STK32B: variants seen among roughly 807,000 people sequenced by gnomAD.
STK32B encodes serine/threonine kinase 32B, also known as serine/threonine-protein kinase 32B.
A neutral mutation model predicts 52.6 loss-of-function variants in STK32B; 43 were observed. That is an observed-to-expected ratio of 0.82 (90% CI 0.64 to 1.05). STK32B has a LOEUF of 1.05. STK32B is among the 50% of genes least tolerant of loss of function. The pLI is 0.00. For missense variants in STK32B, 621 were observed against 534.6 expected (o/e 1.16, Z -1.59); for synonymous variants, 238 against 204.3 (o/e 1.17, Z -1.41).
chr4:5,131,508 A>G (rs1715772965), intron 1 of STK32B, among the ~76,000 whole-genome samples: 1 of 152,162 alleles, frequency 6.6e-6, no homozygotes, highest in Non-Finnish European at 1.5e-5. Flanking sequence ...AAAACTTCCT[A>G]GAGCCCTTAC....
At chr4:5,115,901 TC>T (rs1398858695) in intron 1 of STK32B, among the ~76,000 whole-genome samples, 1 of 152,172 alleles carries the variant, frequency 6.6e-6, no homozygotes, top group Non-Finnish European at 1.5e-5. Flanking sequence ...AATTAACCTT[TC>T]CGAGCTTCAG....
intron 1 of STK32B, among the ~76,000 whole-genome samples, chr4:5,069,532 T>A (rs1711623722): frequency 6.6e-6 from 1 of 152,152 alleles, no homozygotes; most frequent in East Asian, 1.9e-4. Flanking sequence ...GAGCACAGAC[T>A]CTGAAGCTGC....
In STK32B at chr4:5,205,696, G is replaced by A. The variant is rs548116919; in HGVS notation, c.260+37246G>A. Reference sequence around the variant, plus strand: ...AGAGGTTGACAGTTCTAGACCAGGCGCGCGCGCGTGTGTGTGTGTGTGTGT... The same window carrying A: ...AGAGGTTGACAGTTCTAGACCAGGCACGCGCGCGTGTGTGTGTGTGTGTGT... On this transcript the variant is annotated intron_variant, in intron 3 of 11. Coordinates refer to ENST00000282908, the MANE Select transcript of STK32B (RefSeq NM_018401.3). 6.8e-4 allele frequency among the ~76,000 whole-genome samples: 44 copies of A among 64,588 alleles called. 1 individual carries two copies. The South Asian group carries it at 0.026, about 38-fold the overall frequency. 42.4% of individuals were successfully genotyped at this position (64,588 alleles called of 152,430 possible).
intron 11 of STK32B, among the ~76,000 whole-genome samples, chr4:5,484,046 G>A (rs1718944831): frequency 6.6e-6 from 1 of 152,176 alleles, no homozygotes; most frequent in South Asian, 2.1e-4. Context: ...GTGTGATGTG[G>A]AAAAGAATGT....
intron 3 of STK32B, among the ~76,000 whole-genome samples, chr4:5,305,615 G>C (rs994736649): frequency 6.6e-6 from 1 of 151,928 alleles, no homozygotes; most frequent in African/African-American, 2.4e-5. Flanking sequence ...CCATACTAAT[G>C]GTCTATCAAT....
At chr4:5,403,132 G>C (rs904018298) in intron 5 of STK32B, among the ~76,000 whole-genome samples, 1 of 152,130 alleles carries the variant, frequency 6.6e-6, no homozygotes, top group Non-Finnish European at 1.5e-5. Flanking sequence ...GCCCTGCCCA[G>C]GGCTGGCCAA....
intron 3 of STK32B, among the ~76,000 whole-genome samples, chr4:5,173,710 T>A (rs1226778061): frequency 6.6e-5 from 10 of 151,936 alleles, no homozygotes; most frequent in South Asian, 2.1e-4. Context: ...TGCTGAGGAG[T>A]GCTTTACTTC....
intron 2 of STK32B, among the ~76,000 whole-genome samples, chr4:5,140,616 A>G (rs1438262216): frequency 1.3e-5 from 2 of 152,204 alleles, no homozygotes; most frequent in Non-Finnish European, 2.9e-5. Context: ...ATAGGCGGGA[A>G]GTGTCAAAAC....
chr4:5,050,731 C>T (rs370988789), upstream of STK32B, among the ~76,000 whole-genome samples: 8 of 152,304 alleles, frequency 5.3e-5, no homozygotes, highest in African/African-American at 1.7e-4. Context: ...CCGCGCTCGC[C>T]CCACACGTCT....
chr4:5,146,768 C>T (rs1716947424), intron 2 of STK32B, among the ~76,000 whole-genome samples: 1 of 152,162 alleles, frequency 6.6e-6, no homozygotes. Context: ...CGGTTTTGTA[C>T]ATTTGACCTA....
intron 3 of STK32B, among the ~76,000 whole-genome samples, chr4:5,303,147 T>C (rs895560734): frequency 6.6e-6 from 1 of 152,068 alleles, no homozygotes; most frequent in Non-Finnish European, 1.5e-5. Flanking sequence ...AACATGTGTG[T>C]GCAGGTATCT....
chr4:5,478,661 T>C (rs1044598666), intron 11 of STK32B, among the ~76,000 whole-genome samples: 2 of 152,220 alleles, frequency 1.3e-5, no homozygotes, highest in African/African-American at 4.8e-5. Context: ...GATAATTTAC[T>C]TACAAAGAAT....
chr4:5,491,894 T>G (rs1028902717), intron 11 of STK32B, among the ~76,000 whole-genome samples: 1 of 152,226 alleles, frequency 6.6e-6, no homozygotes, highest in Non-Finnish European at 1.5e-5. Context: ...GTTGTAGATA[T>G]GCGGAGTTAT....
chr4:5,346,367 A>G (rs1733458359), intron 4 of STK32B, among the ~76,000 whole-genome samples: 1 of 152,180 alleles, frequency 6.6e-6, no homozygotes, highest in African/African-American at 2.4e-5. Flanking sequence ...TTAGTGGCTT[A>G]AATTGGGCCT....
At chr4:5,071,146 G>C (rs1445142543) in intron 1 of STK32B, among the ~76,000 whole-genome samples, 2 of 152,112 alleles carry the variant, frequency 1.3e-5, no homozygotes, top group African/African-American at 4.8e-5. Flanking sequence ...GTTTTAATAT[G>C]GGGAGTGATG....
intron 4 of STK32B, among the ~76,000 whole-genome samples, chr4:5,341,493 A>C (rs566193044): frequency 6.6e-6 from 1 of 152,304 alleles, no homozygotes; most frequent in South Asian, 2.1e-4. Context: ...TCCTCATCAC[A>C]TACTTTCCCA....
At chr4:5,118,012 T>C (rs1714829327) in intron 1 of STK32B, among the ~76,000 whole-genome samples, 2 of 152,182 alleles carry the variant, frequency 1.3e-5, no homozygotes, top group African/African-American at 4.8e-5. Flanking sequence ...GGCCTGTAAG[T>C]TTATTTTCTT....
At chr4:5,281,294 T>A (rs976994255) in intron 3 of STK32B, among the ~76,000 whole-genome samples, 1 of 152,158 alleles carries the variant, frequency 6.6e-6, no homozygotes, top group Non-Finnish European at 1.5e-5. Context: ...TCAGTCACTA[T>A]GGCATAATAA....
intron 1 of STK32B, among the ~76,000 whole-genome samples, chr4:5,123,038 TC>T (rs1715157737): frequency 6.6e-6 from 1 of 151,964 alleles, no homozygotes; most frequent in Non-Finnish European, 1.5e-5. Context: ...CACTGCTGGG[TC>T]CCCTTCTTTA....
Sources: gnomAD v4.1 joint callset for allele counts (sites outside exome capture counted in the v4.1 genomes callset) on GRCh38, gnomAD v4.1.1 for gene constraint, MANE v1.5 for transcripts, NCBI Gene and HGNC (gene_info 2026-07-23, HGNC 2026-07-21) for gene names.